Variants in BLTP1 observed in about 807,000 individuals in gnomAD.
BLTP1 encodes the protein fragile site-associated protein.
At chr4:122,272,027 C>A in the BLTP1 span, 1 of 1,150,108 alleles carries the variant, frequency 8.7e-7, no homozygotes, top group Non-Finnish European at 1.2e-6. Context: ...AATTTTTAAT[C>A]ATTTTGTTGG....
chr4:122,185,620 G>C, the BLTP1 span, among the ~76,000 whole-genome samples: 1 of 152,072 alleles, frequency 6.6e-6, no homozygotes, highest in African/African-American at 2.4e-5. Context: ...TGTAGTTTCT[G>C]TGATGCAAAA....
chr4:122,198,164 A>G, the BLTP1 span: 1 of 979,888 alleles, frequency 1.0e-6, no homozygotes, highest in Middle Eastern at 5.3e-4. Context: ...CTGCCTGCTT[A>G]GATAATCAAT....
chr4:122,322,776 T>C, the BLTP1 span, among the ~76,000 whole-genome samples: 5 of 152,244 alleles, frequency 3.3e-5, no homozygotes, highest in Middle Eastern at 3.4e-3. Flanking sequence ...ACTGACTGCA[T>C]TGGTATTGTA....
At chr4:122,240,143 A>G in the BLTP1 span, 4 of 1,614,126 alleles carry the variant, frequency 2.5e-6, no homozygotes, top group Non-Finnish European at 3.4e-6. Context: ...GTGAGAAAAC[A>G]GTGGAGAGTG....
the BLTP1 span, chr4:122,204,267 A>G: frequency 1.3e-5 from 12 of 900,170 alleles, no homozygotes; most frequent in Admixed American, 3.1e-4. Flanking sequence ...GTACAGAGGA[A>G]ATCACTGTTG....
the BLTP1 span, among the ~76,000 whole-genome samples, chr4:122,296,741 A>G: frequency 6.6e-6 from 1 of 152,214 alleles, no homozygotes; most frequent in East Asian, 1.9e-4. Flanking sequence ...GAAACAGAAT[A>G]GAGAACTCAG....
chr4:122,201,774 G>A, the BLTP1 span: 1 of 689,042 alleles, frequency 1.5e-6, no homozygotes, highest in East Asian at 1.3e-4. Context: ...GCCAGGGTCA[G>A]TTGGCTGTTC....
chr4:122,180,214 A>G, the BLTP1 span: 3 of 981,610 alleles, frequency 3.1e-6, no homozygotes, highest in Non-Finnish European at 3.6e-6. Flanking sequence ...GACTTAAGGC[A>G]AGAATTTTAA....
the BLTP1 span, chr4:122,243,731 A>AT: frequency 8.3e-7 from 1 of 1,206,714 alleles, no homozygotes; most frequent in Non-Finnish European, 1.1e-6. Context: ...AAAAAAAAAA[A>AT]GTCAAGTCCA....
the BLTP1 span, chr4:122,169,535 G>A: frequency 1.4e-6 from 1 of 695,846 alleles, no homozygotes; most frequent in Non-Finnish European, 1.8e-6. Flanking sequence ...GGTAGGTTGG[G>A]TTAGTCATAT....
At chr4:122,154,114 T>G in the BLTP1 span, 1 of 982,204 alleles carries the variant, frequency 1.0e-6, no homozygotes, top group Non-Finnish European at 1.2e-6. Context: ...AAAACTTGGG[T>G]AAGTATTTTT....
chr4:122,352,727 A>G, the BLTP1 span: 1 of 239,506 alleles, frequency 4.2e-6, no homozygotes, highest in Non-Finnish European at 6.8e-6. Context: ...ATCCTCATGC[A>G]GCATCTTTTC....
the BLTP1 span, among the ~76,000 whole-genome samples, chr4:122,203,442 T>C: frequency 2.0e-4 from 31 of 151,976 alleles, no homozygotes; most frequent in South Asian, 6.2e-3. Flanking sequence ...AATTGATTGA[T>C]GTATTATAGG....
the BLTP1 span, chr4:122,226,680 T>G: frequency 1.9e-6 from 3 of 1,612,238 alleles, no homozygotes; most frequent in Non-Finnish European, 2.5e-6. Flanking sequence ...CTAACAGTGT[T>G]GTCAACTTGT....
the BLTP1 span, chr4:122,344,618 C>A: frequency 7.6e-7 from 1 of 1,318,330 alleles, no homozygotes; most frequent in Non-Finnish European, 1.1e-6. Context: ...TAAATAATGG[C>A]CTCTGTTTTA....
chr4:122,202,789 G>A, the BLTP1 span, among the ~76,000 whole-genome samples: 7 of 151,906 alleles, frequency 4.6e-5, no homozygotes, highest in African/African-American at 1.7e-4. Flanking sequence ...CATCGAAACA[G>A]CTAAGTACAC....
At chr4:122,343,263 T>G in the BLTP1 span, 1 of 1,063,690 alleles carries the variant, frequency 9.4e-7, no homozygotes, top group Non-Finnish European at 1.3e-6. Context: ...TTTTAAGGAT[T>G]TAAATCTATT....
the BLTP1 span, among the ~76,000 whole-genome samples, chr4:122,360,365 G>A: frequency 6.6e-6 from 1 of 152,042 alleles, no homozygotes; most frequent in Non-Finnish European, 1.5e-5. Flanking sequence ...ATAACTAGTG[G>A]TGCTTGCTTT....
chr4:122,299,739 C>G, the BLTP1 span: 1 of 866,548 alleles, frequency 1.2e-6, no homozygotes, highest in Non-Finnish European at 1.4e-6. Context: ...CACAAATACA[C>G]ACATACATAT....
Sources: allele counts gnomAD v4.1 joint callset (sites outside exome capture counted in the v4.1 genomes callset), GRCh38; gene constraint gnomAD v4.1.1; transcripts MANE v1.5; gene names NCBI Gene and HGNC (gene_info 2026-07-23, HGNC 2026-07-21).